AATK: variants seen among roughly 807,000 people sequenced by gnomAD.
AATK encodes the protein lemur tail kinase 1.
A neutral mutation model predicts 114.3 loss-of-function variants in AATK; 91 were observed. The observed-to-expected ratio is 0.80, with a 90% confidence interval of 0.67 to 0.95. The LOEUF is 0.95. AATK is among the 40% of genes least tolerant of loss of function. The pLI is 0.00. For missense variants in AATK, 2,176 were observed against 1,965.2 expected, an observed-to-expected ratio of 1.11 and a Z score of -2.03; for synonymous variants, 1,075 against 916.5, an observed-to-expected ratio of 1.17 and a Z score of -3.12.
chr17:81,124,758 C>G lies in AATK; in HGVS notation c.931G>C (p.Val311Leu). Residue 311 changes from valine to leucine, a missense_variant, in exon 9 of 14, where the codon GTC (valine) becomes CTC (leucine). By Grantham distance (32) the Val-to-Leu change is conservative. This residue lies in a region of AATK where 273 missense variants were observed against 344.1 expected (regional missense o/e 0.79). Coordinates refer to ENST00000326724, the MANE Select transcript of AATK (RefSeq NM_001080395.3). ...TTCCCGCTCTTGGTCTGGTCCACGACGAGCAGGTTGCTATGCACCTCGTCC... is the reference window on the plus strand; with the variant it reads ...TTCCCGCTCTTGGTCTGGTCCACGAGGAGCAGGTTGCTATGCACCTCGTCC... ...LVDEVHSNLL[V>L]VDQTKSGNVW... is the part of the protein sequence containing the mutation. The G allele has an allele frequency of 3.7e-6, 6 of 1,612,906 alleles. No homozygotes were observed. The highest frequency in any genetic ancestry group is 5.1e-6 in the Non-Finnish European group (6 of 1,179,812).
chr17:81,157,880 C>T (rs1322863313), intron 1 of AATK, among the ~76,000 whole-genome samples: 2 of 152,240 alleles, frequency 1.3e-5, no homozygotes, highest in East Asian at 3.9e-4. Context: ...CCCCCAACAC[C>T]TTGGCCCTCG....
chr17:81,143,130 CGAGAGTGGCCTGGCTGAGCCT>C (rs1179354277), intron 1 of AATK, among the ~76,000 whole-genome samples: 15 of 152,166 alleles, frequency 9.9e-5, no homozygotes, highest in African/African-American at 3.4e-4. Context: ...GGGAGAGTTC[CGAGAGTGGCCTGGCTGAGCCT>C]GAGAGTGGCC....
At chr17:81,131,246 CAAGG>C in intron 2 of AATK, 41 bp from the exon 3 acceptor site, 2 of 1,535,542 alleles carry the variant, frequency 1.3e-6, no homozygotes, top group Non-Finnish European at 1.7e-6. Flanking sequence ...TCTCGCAGGT[CAAGG>C]AAGGGTGTGG....
intron 1 of AATK, among the ~76,000 whole-genome samples, chr17:81,138,653 CCA>C (rs143391456): frequency 0.55 from 80,955 of 148,294 alleles, 22,994 homozygotes; most frequent in East Asian, 0.88. Context: ...CCACACATAC[CCA>C]CACACATATC....
intron 1 of AATK, among the ~76,000 whole-genome samples, chr17:81,137,698 AAC>A (rs1408668153): frequency 6.6e-6 from 1 of 152,210 alleles, no homozygotes; most frequent in East Asian, 1.9e-4. Flanking sequence ...AAACACATGA[AAC>A]ACACATGCAC....
chr17:81,138,821 C>T (rs556826335), intron 1 of AATK, among the ~76,000 whole-genome samples: 2 of 151,710 alleles, frequency 1.3e-5, no homozygotes, highest in Admixed American at 6.6e-5. Flanking sequence ...TGCACACCCA[C>T]GTGAGCGCAC....
At chr17:81,149,253 C>A (rs1401322363) in intron 1 of AATK, among the ~76,000 whole-genome samples, 2 of 152,114 alleles carry the variant, frequency 1.3e-5, no homozygotes, top group Non-Finnish European at 2.9e-5. Flanking sequence ...ACATCACCCA[C>A]CACCACAGCC....
At chr17:81,158,299 G>A (rs1223597612) in intron 1 of AATK, among the ~76,000 whole-genome samples, 1 of 152,234 alleles carries the variant, frequency 6.6e-6, no homozygotes, top group Non-Finnish European at 1.5e-5. Flanking sequence ...TCATCCCTGG[G>A]GCCAGGAGCT....
At chr17:81,120,110 GCTCGGCCGCCAGGAGC>G in intron 11 of AATK, 27 bp from the exon 12 acceptor site, 1 of 1,465,512 alleles carries the variant, frequency 6.8e-7, no homozygotes, top group Non-Finnish European at 9.0e-7. Context: ...GCACCAGGTA[GCTCGGCCGCCAGGAGC>G]CGCGGCCGCT....
chr17:81,154,315 CTTTCTTTTTT>C (rs1354432986), intron 1 of AATK, among the ~76,000 whole-genome samples: 1 of 120,676 alleles, frequency 8.3e-6, no homozygotes, highest in Non-Finnish European at 1.7e-5. Flanking sequence ...TTAGTTTTTT[CTTTCTTTTTT>C]TTTTTTTTTT....
At position 81,118,268 on chromosome 17, in the gene AATK, G is replaced by A. The variant is rs1018999287; in HGVS notation, c.*134C>T. 1.6e-5 allele frequency: 14 copies of A among 877,252 alleles called. No homozygotes were observed. The highest frequency in any genetic ancestry group is 6.7e-5 in the African/African-American group (4 of 59,518). The allele number at this position is 877,252 out of a possible 1,614,324, so 54.3% of individuals were successfully genotyped here. On this transcript the variant is annotated 3_prime_UTR_variant, in exon 14 of 14. Transcript: ENST00000326724. Reference sequence around the variant, plus strand: ...CCCACGGGCTTCTCCAGGACACCGCGTGGGGCAGAGGCACCTGAATCTGCT... The same window carrying A: ...CCCACGGGCTTCTCCAGGACACCGCATGGGGCAGAGGCACCTGAATCTGCT...
chr17:81,121,438 C>T lies in AATK; in HGVS notation c.2498G>A (p.Gly833Asp). 6.2e-7 allele frequency: 1 copy of T among 1,600,202 alleles called. No homozygotes were observed. ...LPDSPTPATG[G>D]EVSAIKLASA... ...AGCCAGCTTGATGGCAGACACCTCG[C>T]CACCAGTAGCAGGCGTGGGAGAGTC... Residue 833 changes from glycine (G) to aspartate (D), a missense_variant, in exon 11 of 14, where the codon GGC becomes GAC. Coordinates refer to ENST00000326724, the MANE Select transcript of AATK (RefSeq NM_001080395.3).
chr17:81,143,652 G>A (rs1037920784), intron 1 of AATK, among the ~76,000 whole-genome samples: 15 of 152,036 alleles, frequency 9.9e-5, no homozygotes, highest in African/African-American at 2.7e-4. Flanking sequence ...TCCTCAGCAC[G>A]TCGCCCCACA....
Position 81,117,783 on chromosome 17 carries a change from C to T in AATK, c.*619G>A, listed in dbSNP as rs2060585043. 6.6e-6 allele frequency: 1 copy of T among 152,350 alleles called. No individual in the cohort carries two copies. Among genetic ancestry groups the T allele is most frequent in the South Asian group, 2.1e-4 (1 of 4,842 alleles). The allele number at this position is 152,350 out of a possible 1,614,324, so 9.4% of individuals were successfully genotyped here. On this transcript the variant is annotated 3_prime_UTR_variant, in exon 14 of 14. Transcript: ENST00000326724. ...GACCCAGGTGGGAGCAGCCTGTTCC[C>T]TGTGGGAAGGGTGGGCTTACGGGTC...
chr17:81,119,926 C>T lies in AATK; in HGVS notation c.3883+10G>A. ...CGTGACGTCACGGGCCCAGCCCCGCCCCTGCTCACCCTCTTCCGCTGTGGA... is the reference window on the plus strand; with the variant it reads ...CGTGACGTCACGGGCCCAGCCCCGCTCCTGCTCACCCTCTTCCGCTGTGGA... On this transcript the variant is annotated intron_variant, in intron 12 of 13. Coordinates refer to ENST00000326724, the MANE Select transcript of AATK (RefSeq NM_001080395.3). 7.0e-7 allele frequency: 1 copy of T among 1,429,610 alleles called. No individual in the cohort carries two copies. The highest frequency in any genetic ancestry group is 9.1e-7 in the Non-Finnish European group (1 of 1,093,856). The allele number at this position is 1,429,610 out of a possible 1,614,324, so 88.6% of individuals were successfully genotyped here.
chr17:81,119,859 T>C, intron 12 of AATK, 77 bp downstream of exon 12: 1 of 1,357,836 alleles, frequency 7.4e-7, no homozygotes. Flanking sequence ...TGTCACACAT[T>C]AGGCCCCGCC....
In AATK at chr17:81,124,736, C is replaced by T; in HGVS notation, c.953G>A (p.Gly318Glu). Residue 318 changes from glycine to glutamate, a missense_variant, in exon 9 of 14, where the codon GGG becomes GAG. Gly to Glu is a moderately conservative substitution (Grantham distance 98). Coordinates refer to ENST00000326724, the MANE Select transcript of AATK (RefSeq NM_001080395.3). ...NLLVVDQTKS[G>E]NVWSLGVTIW... ...CCAGGGCCGCACTCACCACACATTC[C>T]CGCTCTTGGTCTGGTCCACGACGAG... The T allele has an allele frequency of 6.2e-7, 1 of 1,612,790 alleles. No individual in the cohort carries two copies. Among genetic ancestry groups the T allele is most frequent in the Non-Finnish European group, 8.5e-7 (1 of 1,179,744 alleles).
intron 13 of AATK, 119 bp downstream of exon 13, chr17:81,119,255 AAGGAGC>A (rs2060646223): frequency 1.1e-6 from 1 of 938,826 alleles, no homozygotes; most frequent in Non-Finnish European, 1.4e-6. Context: ...CGGGGCCGGG[AAGGAGC>A]GGAGCGGAGC....
rs781305021 is a variant in AATK, at chr17:81,127,595, C to T, written c.609G>A (p.Glu203=). Residue 203 remains glutamate (E), a synonymous_variant, in exon 6 of 14, where the codon GAG becomes GAA. Coordinates refer to ENST00000326724, the MANE Select transcript of AATK (RefSeq NM_001080395.3). ...GGCAGCAGCTCACCAGTGGGCAGAA[C>T]TCCATCACCAGCAGGTAGGGCGTCA... The part of the protein sequence containing the change: ...AEVTPYLLVM[E]FCPLGDLKGY... The T allele has an allele frequency of 6.2e-7, 1 of 1,600,308 alleles. No homozygotes were observed.
Sources: gnomAD v4.1 joint callset for allele counts (sites outside exome capture counted in the v4.1 genomes callset) on GRCh38, gnomAD v4.1.1 for gene constraint, gnomAD v4.1.1 regional missense constraint, MANE v1.5 for transcripts, NCBI Gene and HGNC (gene_info 2026-07-23, HGNC 2026-07-21) for gene names.